The following PAN3 variants were observed in gnomAD, a reference collection of about 807,000 sequenced individuals.
The protein encoded by PAN3 is poly(A) specific ribonuclease subunit PAN3.
PAN3 carries 19 observed loss-of-function variants against 96.2 expected under a neutral mutation model. The ratio of observed to expected loss-of-function variants is 0.20; its 90% confidence interval spans 0.14 to 0.29. PAN3 has a LOEUF of 0.29. PAN3 is among the 10% of genes least tolerant of loss of function. The probability of loss-of-function intolerance (pLI) is 1.00; values close to 1 mark genes in which losing one functional copy is unlikely to be tolerated. For missense variants in PAN3, 882 were observed against 1,108.1 expected (o/e 0.80, Z 2.90); for synonymous variants, 433 against 406.6 (o/e 1.06, Z -0.78).
intron 1 of PAN3, among the ~76,000 whole-genome samples, chr13:28,170,438 A>G (rs1409402427): frequency 6.6e-6 from 1 of 152,220 alleles, no homozygotes; most frequent in Non-Finnish European, 1.5e-5. Flanking sequence ...CTATTAAGAC[A>G]AGACATTGAC....
At chr13:28,182,133 C>G (rs1330096182) in intron 4 of PAN3, among the ~76,000 whole-genome samples, 1 of 152,122 alleles carries the variant, frequency 6.6e-6, no homozygotes, top group Non-Finnish European at 1.5e-5. Context: ...ATCTTTACAA[C>G]AGAGTTAGAT....
At chr13:28,139,176 G>A in intron 1 of PAN3, 89 bp downstream of exon 1, 1 of 1,219,454 alleles carries the variant, frequency 8.2e-7, no homozygotes, top group Non-Finnish European at 1.0e-6. Flanking sequence ...GCTGAGCACG[G>A]CCCGCGGGCT....
intron 1 of PAN3, among the ~76,000 whole-genome samples, chr13:28,173,201 G>A (rs1874526632): frequency 6.6e-6 from 1 of 152,198 alleles, no homozygotes; most frequent in South Asian, 2.1e-4. Context: ...AAAGTGGGGA[G>A]TAGGCTGTGA....
At chr13:28,190,527 T>C (rs1014601395) in intron 4 of PAN3, among the ~76,000 whole-genome samples, 5 of 152,156 alleles carry the variant, frequency 3.3e-5, no homozygotes, top group African/African-American at 1.2e-4. Flanking sequence ...TCCAGAGTGC[T>C]AGGATTACAG....
intron 3 of PAN3, among the ~76,000 whole-genome samples, 194 bp downstream of exon 3, chr13:28,176,753 T>G (rs1397311506): frequency 2.0e-5 from 3 of 151,964 alleles, no homozygotes; most frequent in African/African-American, 7.3e-5. Context: ...ATGCCTGTAA[T>G]CCCAGCACTT....
At chr13:28,227,711 A>G (rs948610568) in intron 6 of PAN3, among the ~76,000 whole-genome samples, 1 of 152,246 alleles carries the variant, frequency 6.6e-6, no homozygotes, top group African/African-American at 2.4e-5. Context: ...ACAGAAATGA[A>G]GACAGTGGTG....
intron 6 of PAN3, among the ~76,000 whole-genome samples, chr13:28,246,383 A>G (rs769612267): frequency 6.6e-6 from 1 of 152,146 alleles, no homozygotes; most frequent in Non-Finnish European, 1.5e-5. Context: ...ACAATGTGTA[A>G]TGATCAAATT....
chr13:28,256,902 G>A (rs562757274), intron 7 of PAN3, among the ~76,000 whole-genome samples: 1 of 152,194 alleles, frequency 6.6e-6, no homozygotes, highest in African/African-American at 2.4e-5. Context: ...GCTAGAAAAA[G>A]TAGATGGTAT....
At chr13:28,261,529 T>C (rs1885719080) in intron 9 of PAN3, 71 bp downstream of exon 9, 3 of 1,401,464 alleles carry the variant, frequency 2.1e-6, no homozygotes, top group South Asian at 2.4e-5. Context: ...ACATGTTTTA[T>C]GCATTATTAA....
intron 1 of PAN3, among the ~76,000 whole-genome samples, chr13:28,157,327 A>G (rs1872323227): frequency 6.6e-6 from 1 of 152,184 alleles, no homozygotes; most frequent in Non-Finnish European, 1.5e-5. Flanking sequence ...TACTCTCAAC[A>G]CTGCTATTCG....
intron 6 of PAN3, among the ~76,000 whole-genome samples, chr13:28,238,282 G>GTAA (rs1883283279): frequency 6.6e-6 from 1 of 152,176 alleles, no homozygotes; most frequent in Admixed American, 6.5e-5. Flanking sequence ...TCTGCAAAGG[G>GTAA]TAATGTCTAT....
At chr13:28,142,754 A>C (rs1449389460) in intron 1 of PAN3, among the ~76,000 whole-genome samples, 1 of 152,190 alleles carries the variant, frequency 6.6e-6, no homozygotes, top group Non-Finnish European at 1.5e-5. Flanking sequence ...AAAAGATTTA[A>C]TATAGAAGTA....
At chr13:28,161,251 A>G (rs1222864960) in intron 1 of PAN3, among the ~76,000 whole-genome samples, 1 of 152,148 alleles carries the variant, frequency 6.6e-6, no homozygotes, top group Non-Finnish European at 1.5e-5. Flanking sequence ...GGAGGCTGAA[A>G]GTCTAAGATC....
At chr13:28,188,929 G>A (rs1408504558) in intron 4 of PAN3, among the ~76,000 whole-genome samples, 1 of 152,172 alleles carries the variant, frequency 6.6e-6, no homozygotes, top group East Asian at 1.9e-4. Context: ...TCTTCTAGCT[G>A]CACTCTGAAC....
At chr13:28,240,948 A>T (rs1404277184) in intron 6 of PAN3, among the ~76,000 whole-genome samples, 1 of 152,114 alleles carries the variant, frequency 6.6e-6, no homozygotes, top group African/African-American at 2.4e-5. Context: ...TCATATCTTT[A>T]TTTGTGTCCA....
chr13:28,227,715 A>C (rs1882147816), intron 6 of PAN3, among the ~76,000 whole-genome samples: 1 of 152,230 alleles, frequency 6.6e-6, no homozygotes, highest in South Asian at 2.1e-4. Context: ...AAATGAAGAC[A>C]GTGGTGCGAA....
chr13:28,191,817 G>A (rs1463272456), intron 4 of PAN3, among the ~76,000 whole-genome samples: 2 of 152,062 alleles, frequency 1.3e-5, no homozygotes, highest in South Asian at 2.1e-4. Context: ...ACATGTCACT[G>A]CAGCCTTGAC....
chr13:28,272,380 C>T (rs1886694651), intron 14 of PAN3: 1 of 191,746 alleles, frequency 5.2e-6, no homozygotes, highest in African/African-American at 2.3e-5. Context: ...AATCGTCTCG[C>T]CTCAGCCTCC....
At chr13:28,202,418 T>C (rs1462633439) in intron 5 of PAN3, among the ~76,000 whole-genome samples, 2 of 152,238 alleles carry the variant, frequency 1.3e-5, no homozygotes. Context: ...TTGTCAATTT[T>C]TTTTAGGATT....
Sources: gnomAD v4.1 joint callset for allele counts (sites outside exome capture counted in the v4.1 genomes callset) on GRCh38, gnomAD v4.1.1 for gene constraint, MANE v1.5 for transcripts, NCBI Gene and HGNC (gene_info 2026-07-23, HGNC 2026-07-21) for gene names.